Variants in ARB2A observed in about 807,000 individuals in gnomAD.
ARB2A encodes ARB2 cotranscriptional regulator A, also known as cotranscriptional regulator ARB2A.
chr5:93,851,153 C>A, the ARB2A span, among the ~76,000 whole-genome samples: 1 of 152,120 alleles, frequency 6.6e-6, no homozygotes, highest in East Asian at 1.9e-4. Flanking sequence ...CCTGGTATTC[C>A]TTTTCCTTTA....
chr5:93,677,584 G>A, the ARB2A span, among the ~76,000 whole-genome samples: 1 of 152,224 alleles, frequency 6.6e-6, no homozygotes, highest in Admixed American at 6.5e-5. Flanking sequence ...AGGCACGAGA[G>A]GCTATTGTGA....
At chr5:94,044,162 T>A in the ARB2A span, among the ~76,000 whole-genome samples, 2 of 152,226 alleles carry the variant, frequency 1.3e-5, no homozygotes, top group African/African-American at 2.4e-5. Flanking sequence ...TGGGCATGTA[T>A]TGGAATTGGC....
At chr5:93,857,533 C>G in the ARB2A span, among the ~76,000 whole-genome samples, 1 of 152,172 alleles carries the variant, frequency 6.6e-6, no homozygotes, top group Non-Finnish European at 1.5e-5. Context: ...CCAGTTTGAT[C>G]TCAGACTGCT....
chr5:93,845,713 T>C, the ARB2A span, among the ~76,000 whole-genome samples: 1 of 152,166 alleles, frequency 6.6e-6, no homozygotes. Context: ...TAGAGCAGAC[T>C]GAGAGGCAAA....
At chr5:94,098,212 G>A in the ARB2A span, among the ~76,000 whole-genome samples, 1 of 152,116 alleles carries the variant, frequency 6.6e-6, no homozygotes, top group East Asian at 1.9e-4. Context: ...CAACAACAAA[G>A]ATTAAAGGAA....
chr5:93,630,195 T>TCCC, the ARB2A span, among the ~76,000 whole-genome samples: 2 of 152,096 alleles, frequency 1.3e-5, no homozygotes, highest in African/African-American at 4.8e-5. Context: ...GTTACTAATA[T>TCCC]TTGCACAAAG....
chr5:93,923,965 G>T, the ARB2A span, among the ~76,000 whole-genome samples: 1 of 152,076 alleles, frequency 6.6e-6, no homozygotes, highest in Admixed American at 6.6e-5. Context: ...GGAAGAGAGG[G>T]ACAGAGAAAG....
chr5:93,621,328 GACTCCCAGGGCACA>G, the ARB2A span, among the ~76,000 whole-genome samples: 1 of 151,100 alleles, frequency 6.6e-6, no homozygotes, highest in African/African-American at 2.4e-5. Context: ...CGGGCCAGCC[GACTCCCAGGGCACA>G]ACTAGGGCTG....
At chr5:93,931,360 A>G in the ARB2A span, among the ~76,000 whole-genome samples, 1 of 152,178 alleles carries the variant, frequency 6.6e-6, no homozygotes, top group African/African-American at 2.4e-5. Context: ...GCTACTCGGG[A>G]GGCTAAGGCA....
At chr5:93,696,365 T>A in the ARB2A span, among the ~76,000 whole-genome samples, 2 of 152,326 alleles carry the variant, frequency 1.3e-5, no homozygotes, top group East Asian at 3.9e-4. Flanking sequence ...CTGACAACCC[T>A]AGTTGAAATA....
chr5:93,848,823 T>TA, the ARB2A span, among the ~76,000 whole-genome samples: 1 of 152,184 alleles, frequency 6.6e-6, no homozygotes, highest in Non-Finnish European at 1.5e-5. Flanking sequence ...CTAACATACC[T>TA]AACAGTATTT....
the ARB2A span, among the ~76,000 whole-genome samples, chr5:94,075,803 T>G: frequency 1.3e-5 from 2 of 152,164 alleles, no homozygotes; most frequent in African/African-American, 2.4e-5. Flanking sequence ...ATAAATAATT[T>G]AAAACTATGA....
At chr5:94,074,766 C>G in the ARB2A span, 3 of 1,592,348 alleles carry the variant, frequency 1.9e-6, no homozygotes, top group African/African-American at 4.0e-5. Context: ...CTTCAGAAGA[C>G]AGTCTAGAAT....
chr5:94,067,337 T>C, the ARB2A span, among the ~76,000 whole-genome samples: 1 of 152,122 alleles, frequency 6.6e-6, no homozygotes, highest in Non-Finnish European at 1.5e-5. Flanking sequence ...AATGTCCTTT[T>C]CAGAAAAATC....
At chr5:93,710,271 C>T in the ARB2A span, among the ~76,000 whole-genome samples, 3 of 152,078 alleles carry the variant, frequency 2.0e-5, no homozygotes, top group Admixed American at 1.3e-4. Flanking sequence ...TTAGTTGCAA[C>T]GGTTAAAATT....
the ARB2A span, among the ~76,000 whole-genome samples, chr5:93,747,859 A>C: frequency 6.6e-6 from 1 of 152,310 alleles, no homozygotes; most frequent in Middle Eastern, 3.4e-3. Flanking sequence ...GATTTCTATT[A>C]TGATGATTTA....
the ARB2A span, among the ~76,000 whole-genome samples, chr5:93,722,360 C>A: frequency 3.3e-5 from 5 of 151,890 alleles, no homozygotes; most frequent in Admixed American, 6.6e-5. Context: ...AGTTATGGGA[C>A]CTACTCCAAC....
chr5:93,989,507 C>A, the ARB2A span, among the ~76,000 whole-genome samples: 1 of 152,102 alleles, frequency 6.6e-6, no homozygotes, highest in Non-Finnish European at 1.5e-5. Context: ...TAAATCCTAT[C>A]ATCCCAATCC....
chr5:93,684,599 A>T, the ARB2A span, among the ~76,000 whole-genome samples: 2 of 152,358 alleles, frequency 1.3e-5, no homozygotes, highest in East Asian at 3.9e-4. Flanking sequence ...TTTTGTCAGG[A>T]TTCAGACAAA....
Sources: gnomAD v4.1 joint callset for allele counts (sites outside exome capture counted in the v4.1 genomes callset) on GRCh38, gnomAD v4.1.1 for gene constraint, MANE v1.5 for transcripts, NCBI Gene and HGNC (gene_info 2026-07-23, HGNC 2026-07-21) for gene names.